The following BRD2 variants were observed in gnomAD, a reference collection of about 807,000 sequenced individuals.
BRD2 encodes bromodomain-containing protein 2.
Under a neutral mutation model 79.1 loss-of-function variants are expected in BRD2, and 15 were observed. That is an observed-to-expected ratio of 0.19 (90% CI 0.13 to 0.29). BRD2 has a LOEUF of 0.29. Among genes scored for constraint, BRD2 ranks in the 10% least tolerant of loss-of-function variants. The pLI is 1.00. For synonymous variants in BRD2, 488 were observed against 358.6 expected, an observed-to-expected ratio of 1.36 and a Z score of -4.08; for missense variants, 1,053 against 991.3, an observed-to-expected ratio of 1.06 and a Z score of -0.84.
chr6:32,979,660 T>C, intron 10 of BRD2, 168 bp from the exon 11 acceptor site: 1 of 710,998 alleles, frequency 1.4e-6, no homozygotes, highest in Non-Finnish European at 2.2e-6. Flanking sequence ...AGCAAAATGC[T>C]CTGTTTCACT....
intron 7 of BRD2, 166 bp downstream of exon 7, chr6:32,977,102 C>T (rs1013256310): frequency 1.6e-6 from 2 of 1,251,162 alleles, no homozygotes; most frequent in Non-Finnish European, 1.1e-6. Flanking sequence ...ATTTGTATTT[C>T]TTGGAGTTTG....
In BRD2 at chr6:32,971,726, G is replaced by A. The variant is rs201010733; in HGVS notation, c.-1173G>A. The A allele has an allele frequency of 8.8e-6, 5 of 567,506 alleles. No individual in the cohort carries two copies. Among genetic ancestry groups the A allele is most frequent in the Non-Finnish European group, 1.6e-5 (5 of 321,414 alleles). 35.2% of individuals were successfully genotyped at this position (567,506 alleles called of 1,614,324 possible). A position where few individuals can be genotyped will look rare whatever the true frequency, so the allele number is the denominator to read the frequency against. On this transcript the variant is annotated 5_prime_UTR_variant, in exon 2 of 13. Coordinates refer to ENST00000374825, the MANE Select transcript of BRD2 (RefSeq NM_005104.4). ...TTTCCCTGCTTTGGCCAATGGAGGAGCTACGAATGGCACGACCTGCTCGAG... is the reference window on the plus strand; with the variant it reads ...TTTCCCTGCTTTGGCCAATGGAGGAACTACGAATGGCACGACCTGCTCGAG...
intron 10 of BRD2, 165 bp from the exon 11 acceptor site, chr6:32,979,661 CTG>C: frequency 2.7e-6 from 2 of 738,992 alleles, no homozygotes; most frequent in Non-Finnish European, 4.3e-6. Flanking sequence ...GCAAAATGCT[CTG>C]TTTCACTATA....
At chr6:32,974,399 T>A (rs1197909285) in intron 2 of BRD2, 63 bp from the exon 3 acceptor site, 1 of 1,522,540 alleles carries the variant, frequency 6.6e-7, no homozygotes, top group Non-Finnish European at 8.9e-7. Context: ...ATCAGACTAT[T>A]GTGCAGATGC....
rs1337777017 is a variant in BRD2, at chr6:32,976,338, A to G, written c.699A>G (p.Ile233Met). 1 of 1,612,950 alleles carries G rather than the reference A, an allele frequency of 6.2e-7. No individual in the cohort carries two copies. The highest frequency in any genetic ancestry group is 1.7e-5 in the Admixed American group (1 of 60,026). The change falls in exon 6 of 13, where the codon ATA becomes ATG. Residue 233 changes from isoleucine to methionine, a missense_variant. Transcript: ENST00000374825. Reference protein sequence around the residue: ...HTALYTPPPEIPTTVLNIPHP... With the variant: ...HTALYTPPPEMPTTVLNIPHP... ...CCCTGTATACTCCTCCACCTGAGATACCTACCACTGTCCTCAACATTCCCC... is the reference window on the plus strand; with the variant it reads ...CCCTGTATACTCCTCCACCTGAGATGCCTACCACTGTCCTCAACATTCCCC...
chr6:32,981,246 C>T lies in BRD2; in HGVS notation c.*528C>T, dbSNP rs1274593511. 2 of 153,596 alleles carry T rather than the reference C, an allele frequency of 1.3e-5. No homozygotes were observed. Among genetic ancestry groups the T allele is most frequent in the African/African-American group, 4.8e-5 (2 of 41,342 alleles). 9.5% of individuals were successfully genotyped at this position (153,596 alleles called of 1,614,324 possible). Reference sequence around the variant, plus strand: ...GGGGCCCTGGGGGTTTCAGTCATCTCCCCATTTGGTCCCCTGGACTGTCTT... The same window carrying T: ...GGGGCCCTGGGGGTTTCAGTCATCTTCCCATTTGGTCCCCTGGACTGTCTT... On this transcript the variant is annotated 3_prime_UTR_variant, in exon 13 of 13. Transcript: ENST00000374825.
At chr6:32,969,531 G>C (rs765694854) in intron 1 of BRD2, among the ~76,000 whole-genome samples, 16 of 152,204 alleles carry the variant, frequency 1.1e-4, no homozygotes, top group Admixed American at 2.0e-4. Context: ...AGGGAGCATT[G>C]CTGTGCGCCC....
intron 2 of BRD2, 113 bp downstream of exon 2, chr6:32,973,040 C>T (rs780688150): frequency 3.7e-6 from 6 of 1,609,688 alleles, no homozygotes; most frequent in Admixed American, 1.7e-5. Flanking sequence ...TGTTGCGGCG[C>T]AGCTGTCGAC....
intron 8 of BRD2, 77 bp downstream of exon 8, chr6:32,977,647 G>A (rs1365833610): frequency 8.1e-6 from 13 of 1,602,370 alleles, no homozygotes; most frequent in Admixed American, 5.0e-5. Context: ...TAGCCTCAAC[G>A]TGAGGGTCTC....
rs1049369 is a variant in BRD2 at position 32,978,187 on chromosome 6, G to A, written c.1640G>A (p.Arg547Lys). 10 of 1,612,966 alleles carry A rather than the reference G, an allele frequency of 6.2e-6. No individual in the cohort carries two copies. The highest frequency in any genetic ancestry group is 2.2e-5 in the East Asian group (1 of 44,878). ...CAGGGTCCAATATCCAAGCCCAAGA[G>A]GAAAAGAGAGAAAAAAGAGAAAAAG... ...LSQGPISKPK[R>K]KREKKEKKKK... Residue 547 changes from arginine to lysine, a missense_variant, in exon 10 of 13, where the codon AGG (arginine) becomes AAG (lysine). Physicochemically the swap from Arg to Lys is conservative, Grantham distance 26. Coordinates refer to ENST00000374825, the MANE Select transcript of BRD2 (RefSeq NM_005104.4).
intron 4 of BRD2, 110 bp downstream of exon 4, chr6:32,975,631 T>C (rs970386579): frequency 7.2e-6 from 10 of 1,390,156 alleles, no homozygotes; most frequent in African/African-American, 4.3e-5. Flanking sequence ...GAAGGTGTTA[T>C]CCAGGTAGGG....
chr6:32,973,298 C>T (rs1032191138), intron 2 of BRD2, among the ~76,000 whole-genome samples: 3 of 152,098 alleles, frequency 2.0e-5, no homozygotes, highest in Non-Finnish European at 2.9e-5. Flanking sequence ...ACGGACACCT[C>T]TAGCGCCCTG....
chr6:32,972,530 G>T lies in BRD2; in HGVS notation c.-369G>T. 1 of 353,632 alleles carries T rather than the reference G, an allele frequency of 2.8e-6. No individual in the cohort carries two copies. Among genetic ancestry groups the T allele is most frequent in the Non-Finnish European group, 5.2e-6 (1 of 192,036 alleles). The allele number at this position is 353,632 out of a possible 1,614,324, so 21.9% of individuals were successfully genotyped here. A position where few individuals can be genotyped will look rare whatever the true frequency, so the allele number is the denominator to read the frequency against. On this transcript the variant is annotated 5_prime_UTR_variant, in exon 2 of 13. Transcript: ENST00000374825. ...TCCGAGATCGAAACGGGACCTCGTCGGCCCCGTAGGGGCCCGACAAGAAGA... is the reference window on the plus strand; with the variant it reads ...TCCGAGATCGAAACGGGACCTCGTCTGCCCCGTAGGGGCCCGACAAGAAGA...
Position 32,969,500 on chromosome 6 carries a change from C to T in BRD2, c.-1305+444C>T, listed in dbSNP as rs1456959887. 5.0e-6 allele frequency: 3 copies of T among 601,632 alleles called. No individual in the cohort carries two copies. In the African/African-American group the frequency reaches 5.5e-5, roughly 11 times the overall value. The allele number at this position is 601,632 out of a possible 1,614,324, so 37.3% of individuals were successfully genotyped here. On this transcript the variant is annotated intron_variant, in intron 1 of 12. Transcript: ENST00000374825. ...GAGGTTGTTCCCAGGCGCCAACTTC[C>T]TTTCTCCCCAGAGCCTCTGGAGGGA... is the stretch of plus-strand genomic sequence containing the variant.
chr6:32,975,562 CAG>C lies in BRD2; in HGVS notation c.471+42_471+43del, dbSNP rs763175742. The stretch of plus-strand genomic sequence containing the variant: ...TGTTCATTTAGTAGGTGGGGAGAAA[CAG>C]TAACTTCTATTATTGCTGGATATGT... On this transcript the variant is annotated intron_variant, in intron 4 of 12. Transcript: ENST00000374825. 33 of 1,601,442 alleles carry C rather than the reference CAG, an allele frequency of 2.1e-5. No individual in the cohort carries two copies. The Middle Eastern group carries it at 5.0e-4, about 24-fold the overall frequency.
Position 32,972,252 on chromosome 6 carries a change from A to C in BRD2, c.-647A>C. The C allele has an allele frequency of 2.2e-6, 1 of 463,444 alleles. No homozygotes were observed. Among genetic ancestry groups the C allele is most frequent in the Non-Finnish European group, 4.0e-6 (1 of 249,594 alleles). The allele number at this position is 463,444 out of a possible 1,614,324, so 28.7% of individuals were successfully genotyped here. A position where few individuals can be genotyped will look rare whatever the true frequency, so the allele number is the denominator to read the frequency against. ...TAGAACGAGCTGGAGGATTCTGCCT[A>C]CCGATACAGAGCCTTCGAGTCGTCC... On this transcript the variant is annotated 5_prime_UTR_variant, in exon 2 of 13. Coordinates refer to ENST00000374825, the MANE Select transcript of BRD2 (RefSeq NM_005104.4).
rs1779430903 is a variant in BRD2, at chr6:32,980,737, G to T, written c.*19G>T. ...AGGCTAAGGGGTCAGGCCAGATGGGGCAGGAAGGCTCCGCAGGACCGGACC... is the reference window on the plus strand; with the variant it reads ...AGGCTAAGGGGTCAGGCCAGATGGGTCAGGAAGGCTCCGCAGGACCGGACC... On this transcript the variant is annotated 3_prime_UTR_variant, in exon 13 of 13. Transcript: ENST00000374825. 1 of 1,611,966 alleles carries T rather than the reference G, an allele frequency of 6.2e-7. No homozygotes were observed. The highest frequency in any genetic ancestry group is 8.5e-7 in the Non-Finnish European group (1 of 1,179,984).
At chr6:32,974,990 T>G (rs1778537499) in intron 3 of BRD2, 1 of 1,511,240 alleles carries the variant, frequency 6.6e-7, no homozygotes, top group Admixed American at 2.0e-5. Flanking sequence ...GTGTCCTTCC[T>G]TAACTTTTGT....
intron 7 of BRD2, chr6:32,977,195 G>A (rs1236617549): frequency 2.7e-6 from 4 of 1,473,442 alleles, no homozygotes; most frequent in African/African-American, 1.4e-5. Flanking sequence ...GGTTAAGGAA[G>A]TTATAGGGTG....
Sources: gnomAD v4.1 joint callset for allele counts (sites outside exome capture counted in the v4.1 genomes callset) on GRCh38, gnomAD v4.1.1 for gene constraint, MANE v1.5 for transcripts, NCBI Gene and HGNC (gene_info 2026-07-23, HGNC 2026-07-21) for gene names.